Variants in CUEDC1 observed in about 807,000 individuals in gnomAD.
CUEDC1 encodes the protein CUE domain-containing protein 1.
CUEDC1 carries 30 observed loss-of-function variants against 43.7 expected under a neutral mutation model. The observed-to-expected ratio is 0.69, with a 90% CI of 0.51 to 0.93. CUEDC1 has a LOEUF of 0.93. CUEDC1 is among the 40% of genes least tolerant of loss of function. The pLI is 0.00. For synonymous variants in CUEDC1, 223 were observed against 223.6 expected, an observed-to-expected ratio of 1.00 and a Z score of 0.02; for missense variants, 486 against 549.0, an observed-to-expected ratio of 0.89 and a Z score of 1.15.
intron 1 of CUEDC1, among the ~76,000 whole-genome samples, chr17:57,905,223 T>C (rs2074515917): frequency 7.2e-6 from 1 of 138,542 alleles, no homozygotes; most frequent in Admixed American, 7.5e-5. Flanking sequence ...AGCAGGCTAA[T>C]GGCTACAGCT....
intron 1 of CUEDC1, among the ~76,000 whole-genome samples, chr17:57,890,851 G>A (rs1471221994): frequency 2.6e-5 from 4 of 152,230 alleles, no homozygotes; most frequent in Admixed American, 2.0e-4. Context: ...GGGAGCCAGA[G>A]TCCTGGGTGC....
chr17:57,932,279 C>T (rs1335577711), intron 1 of CUEDC1, among the ~76,000 whole-genome samples: 30 of 78,702 alleles, frequency 3.8e-4, no homozygotes, highest in African/African-American at 2.5e-3. Flanking sequence ...GACACTGTGT[C>T]TCAAAAAAAA....
Position 57,885,386 on chromosome 17 carries a change from T to C in CUEDC1, c.179A>G (p.Asn60Ser), listed in dbSNP as rs1205817533. The C allele has an allele frequency of 6.2e-7, 1 of 1,611,756 alleles. No individual in the cohort carries two copies. Among genetic ancestry groups the C allele is most frequent in the Non-Finnish European group, 8.5e-7 (1 of 1,179,546 alleles). ...AMDDFKTMFP[N>S]MDYDIIECVL... ...GCATTCGATGATGTCGTAATCCATG[T>C]TGGGGAACATGGTCTTGAAGTCGTC... Residue 60 changes from asparagine to serine, a missense_variant, in exon 2 of 11, where the codon AAC (asparagine) becomes AGC (serine). Coordinates refer to ENST00000577830, the MANE Select transcript of CUEDC1 (RefSeq NM_001271875.2).
chr17:57,941,899 G>T (rs2074920150), intron 1 of CUEDC1, among the ~76,000 whole-genome samples: 1 of 152,210 alleles, frequency 6.6e-6, no homozygotes, highest in African/African-American at 2.4e-5. Context: ...GGGACAGAGG[G>T]ACATTGTCTA....
intron 1 of CUEDC1, among the ~76,000 whole-genome samples, chr17:57,949,219 C>T (rs2074983551): frequency 6.6e-6 from 1 of 152,216 alleles, no homozygotes; most frequent in Non-Finnish European, 1.5e-5. Flanking sequence ...TTCTGGCTGG[C>T]AAAGTGCCCC....
chr17:57,886,814 G>GTTTT (rs1211746449), intron 1 of CUEDC1, among the ~76,000 whole-genome samples: 1 of 132,128 alleles, frequency 7.6e-6, no homozygotes, highest in African/African-American at 2.9e-5. Flanking sequence ...ATAAATTCTG[G>GTTTT]TTGTTTTTTT....
At chr17:57,890,744 A>G (rs1262446690) in intron 1 of CUEDC1, among the ~76,000 whole-genome samples, 1 of 152,216 alleles carries the variant, frequency 6.6e-6, no homozygotes, top group Non-Finnish European at 1.5e-5. Flanking sequence ...AAGCTGCCCC[A>G]GTGCAGTTCA....
At chr17:57,953,849 A>G (rs1272809786) in intron 1 of CUEDC1, among the ~76,000 whole-genome samples, 1 of 152,200 alleles carries the variant, frequency 6.6e-6, no homozygotes, top group African/African-American at 2.4e-5. Context: ...TTCCAGCTGC[A>G]GAAAGTGGAC....
intron 1 of CUEDC1, among the ~76,000 whole-genome samples, chr17:57,921,750 G>A (rs901803617): frequency 1.3e-5 from 2 of 152,128 alleles, no homozygotes; most frequent in African/African-American, 2.4e-5. Flanking sequence ...TGCTCTTAGA[G>A]CAAAAGACCT....
intron 1 of CUEDC1, among the ~76,000 whole-genome samples, chr17:57,944,832 C>T (rs1424498304): frequency 2.0e-5 from 3 of 152,156 alleles, no homozygotes; most frequent in Non-Finnish European, 2.9e-5. Flanking sequence ...CTCTACAGAG[C>T]GACAGTATCT....
chr17:57,863,640 G>A (rs1332669192), intron 10 of CUEDC1, among the ~76,000 whole-genome samples: 1 of 152,130 alleles, frequency 6.6e-6, no homozygotes, highest in African/African-American at 2.4e-5. Flanking sequence ...ACCTGTAGGT[G>A]GAGAAAAGTA....
intron 1 of CUEDC1, among the ~76,000 whole-genome samples, chr17:57,946,442 A>C (rs1224558428): frequency 2.6e-5 from 4 of 152,168 alleles, no homozygotes; most frequent in Non-Finnish European, 4.4e-5. Flanking sequence ...AACCAACCAG[A>C]CTGGCCTCAA....
intron 7 of CUEDC1, 32 bp downstream of exon 7, chr17:57,869,090 G>A (rs749751641): frequency 6.2e-7 from 1 of 1,610,428 alleles, no homozygotes; most frequent in South Asian, 1.1e-5. Flanking sequence ...CAGAAAAGCT[G>A]GGGAGGGAAG....
intron 1 of CUEDC1, among the ~76,000 whole-genome samples, chr17:57,950,836 G>A (rs1323027002): frequency 6.6e-6 from 1 of 152,166 alleles, no homozygotes; most frequent in Non-Finnish European, 1.5e-5. Context: ...CCTTCCTCCA[G>A]GGAACTCTGC....
intron 1 of CUEDC1, among the ~76,000 whole-genome samples, chr17:57,914,012 A>G (rs1359570241): frequency 6.6e-6 from 1 of 152,190 alleles, no homozygotes; most frequent in Non-Finnish European, 1.5e-5. Flanking sequence ...TCAATGTGGC[A>G]GCACTAGTCA....
chr17:57,885,312 G>C lies in CUEDC1; in HGVS notation c.253C>G (p.Leu85Val). The C allele has an allele frequency of 6.2e-7, 1 of 1,610,966 alleles. No homozygotes were observed. The highest frequency in any genetic ancestry group is 8.5e-7 in the Non-Finnish European group (1 of 1,179,240). Residue 85 changes from leucine (L) to valine (V), a missense_variant, in exon 2 of 11, where the codon CTG becomes GTG. Transcript: ENST00000577830. ...CCACCGCCCTCCAGGTTCATCTGCA[G>C]CAGCTGGTCGATGGTGGCGTCCACA... is the stretch of plus-strand genomic sequence containing the variant. Reference protein sequence around the residue: ...GAVDATIDQLLQMNLEGGGSS... With the variant: ...GAVDATIDQLVQMNLEGGGSS...
intron 1 of CUEDC1, among the ~76,000 whole-genome samples, chr17:57,946,999 T>C (rs2074965775): frequency 6.6e-6 from 1 of 151,948 alleles, no homozygotes; most frequent in Non-Finnish European, 1.5e-5. Flanking sequence ...GCTCACTAGC[T>C]CTCTCCCAGC....
At chr17:57,924,393 C>T (rs2074726369) in intron 1 of CUEDC1, among the ~76,000 whole-genome samples, 1 of 152,014 alleles carries the variant, frequency 6.6e-6, no homozygotes, top group South Asian at 2.1e-4. Context: ...CGTGAGCCAC[C>T]GCGCCGGGCC....
chr17:57,898,321 G>T (rs975756669), intron 1 of CUEDC1, among the ~76,000 whole-genome samples: 18 of 152,278 alleles, frequency 1.2e-4, no homozygotes, highest in African/African-American at 4.3e-4. Flanking sequence ...AACAGGGCTG[G>T]GGGTCTGGCC....
Sources: allele counts gnomAD v4.1 joint callset (sites outside exome capture counted in the v4.1 genomes callset), GRCh38; gene constraint gnomAD v4.1.1; transcripts MANE v1.5; gene names NCBI Gene and HGNC (gene_info 2026-07-23, HGNC 2026-07-21).